The following CKAP5 variants were observed in gnomAD, a reference collection of about 807,000 sequenced individuals.
CKAP5 encodes cytoskeleton-associated protein 5.
Under a neutral mutation model 232.8 loss-of-function variants are expected in CKAP5, and 27 were observed. That is an observed-to-expected ratio of 0.12 (90% confidence interval 0.09 to 0.16). CKAP5 has a LOEUF of 0.16. CKAP5 is among the 10% of genes least tolerant of loss of function. The probability of loss-of-function intolerance (pLI) is 1.00; values close to 1 mark genes in which losing one functional copy is unlikely to be tolerated. For missense variants in CKAP5, 1,838 were observed against 2,424.7 expected (o/e 0.76, Z 5.08); for synonymous variants, 785 against 841.1 (o/e 0.93, Z 1.16).
intron 42 of CKAP5, among the ~76,000 whole-genome samples, chr11:46,749,751 C>A (rs1465549494): frequency 1.3e-5 from 2 of 151,802 alleles, no homozygotes; most frequent in Non-Finnish European, 2.9e-5. Context: ...GTCAGGAGTT[C>A]CAGACCAGCC....
At chr11:46,773,402 C>T (rs974434652) in intron 24 of CKAP5, among the ~76,000 whole-genome samples, 1 of 152,002 alleles carries the variant, frequency 6.6e-6, no homozygotes, top group African/African-American at 2.4e-5. Context: ...GTGCCCACCA[C>T]CATGCCCAGC....
At chr11:46,756,985 G>A (rs999607967) in intron 35 of CKAP5, among the ~76,000 whole-genome samples, 1 of 148,382 alleles carries the variant, frequency 6.7e-6, no homozygotes, top group Non-Finnish European at 1.5e-5. Context: ...GGCTGGTCTC[G>A]AACCCCTGAC....
chr11:46,763,181 T>TTAAAA lies in CKAP5; in HGVS notation c.3688-7_3688-3dup. On this transcript the variant is annotated splice_region_variant and splice_polypyrimidine_tract_variant and intron_variant, in intron 29 of 43. Transcript: ENST00000529230. ...TCCTTCTTTTTCACTCTCCAAGTGC[T>TTAAAA]TAAAATAAAACAAAACAAAACTCCC... 6.3e-7 allele frequency: 1 copy of TTAAAA among 1,596,854 alleles called. No individual in the cohort carries two copies.
At chr11:46,798,313 G>T (rs1938940214) in intron 9 of CKAP5, 141 bp from the exon 10 acceptor site, 1 of 659,514 alleles carries the variant, frequency 1.5e-6, no homozygotes, top group Non-Finnish European at 2.6e-6. Context: ...AGTGACTCAT[G>T]CCTGTAATCC....
chr11:46,822,078 A>G (rs1342827698), intron 1 of CKAP5, among the ~76,000 whole-genome samples: 1 of 151,994 alleles, frequency 6.6e-6, no homozygotes, highest in Non-Finnish European at 1.5e-5. Flanking sequence ...ATATAAATAT[A>G]TTGCAGTCTG....
rs564576366 is a variant in CKAP5 at position 46,756,812 on chromosome 11, A to G, written c.4690-1745T>C. 2.0e-5 allele frequency among the ~76,000 whole-genome samples: 3 copies of G among 150,862 alleles called. No individual in the cohort carries two copies. In the South Asian group the frequency reaches 6.3e-4, roughly 32 times the overall value. On this transcript the variant is annotated intron_variant, in intron 35 of 43. Coordinates refer to ENST00000529230, the MANE Select transcript of CKAP5 (RefSeq NM_001008938.4). Reference sequence around the variant, plus strand: ...TTCTTGTTGCCCAGGCTGGAGTGCAATGGCACAATCTTGGCTCATAGCAAC... The same window carrying G: ...TTCTTGTTGCCCAGGCTGGAGTGCAGTGGCACAATCTTGGCTCATAGCAAC...
chr11:46,760,500 G>T, intron 33 of CKAP5, 112 bp downstream of exon 33: 1 of 985,968 alleles, frequency 1.0e-6, no homozygotes, highest in Non-Finnish European at 1.6e-6. Flanking sequence ...CAGACACTCT[G>T]TCATGCATGA....
intron 13 of CKAP5, among the ~76,000 whole-genome samples, chr11:46,795,351 T>C (rs190192903): frequency 2.6e-5 from 4 of 151,920 alleles, no homozygotes; most frequent in Admixed American, 2.6e-4. Context: ...GTTAAGATAG[T>C]AAATTTTATG....
chr11:46,828,493 A>C (rs923126138), intron 1 of CKAP5, among the ~76,000 whole-genome samples: 1 of 152,228 alleles, frequency 6.6e-6, no homozygotes, highest in Non-Finnish European at 1.5e-5. Flanking sequence ...CTCAAGGGCA[A>C]GGGCTGGAAT....
chr11:46,791,731 A>G (rs758720696), intron 13 of CKAP5, among the ~76,000 whole-genome samples: 1 of 152,166 alleles, frequency 6.6e-6, no homozygotes, highest in African/African-American at 2.4e-5. Context: ...CAAAAGCAGA[A>G]TATGTACGGG....
At chr11:46,819,632 TAATGTAAGTAAA>T (rs1939482203) in intron 2 of CKAP5, among the ~76,000 whole-genome samples, 1 of 152,194 alleles carries the variant, frequency 6.6e-6, no homozygotes, top group South Asian at 2.1e-4. Context: ...GTTATTTGTT[TAATGTAAGTAAA>T]AATGTAATTG....
intron 6 of CKAP5, 109 bp downstream of exon 6, chr11:46,809,633 A>C (rs1403497145): frequency 2.1e-6 from 3 of 1,410,818 alleles, no homozygotes; most frequent in Non-Finnish European, 3.0e-6. Flanking sequence ...CATGCAACTT[A>C]TATTTTATTA....
chr11:46,772,412 A>G (rs1217535247), intron 24 of CKAP5, among the ~76,000 whole-genome samples: 1 of 152,166 alleles, frequency 6.6e-6, no homozygotes, highest in African/African-American at 2.4e-5. Context: ...TCTAGTTTGC[A>G]CTTAAAAGTT....
intron 3 of CKAP5, among the ~76,000 whole-genome samples, chr11:46,817,107 A>AAAAAG (rs1221088603): frequency 1.3e-5 from 2 of 151,232 alleles, no homozygotes; most frequent in Non-Finnish European, 2.9e-5. Context: ...ACTGTGTATC[A>AAAAAG]AAAAGAAAAA....
chr11:46,752,223 C>CACAT (rs1397114202), intron 38 of CKAP5, among the ~76,000 whole-genome samples: 1 of 133,308 alleles, frequency 7.5e-6, no homozygotes, highest in African/African-American at 2.6e-5. Flanking sequence ...CACACACACA[C>CACAT]ACACACACAC....
chr11:46,770,742 T>A, intron 25 of CKAP5, 46 bp downstream of exon 25: 1 of 1,562,994 alleles, frequency 6.4e-7, no homozygotes, highest in South Asian at 1.1e-5. Flanking sequence ...GTTAAATATA[T>A]TTTTTAATAG....
intron 1 of CKAP5, among the ~76,000 whole-genome samples, chr11:46,836,344 T>A (rs1301083013): frequency 6.6e-6 from 1 of 152,206 alleles, no homozygotes; most frequent in Non-Finnish European, 1.5e-5. Context: ...AGTTAATTTT[T>A]AAAAAGTTTC....
chr11:46,774,934 C>G (rs1013662987), intron 24 of CKAP5, among the ~76,000 whole-genome samples: 1 of 152,174 alleles, frequency 6.6e-6, no homozygotes, highest in Non-Finnish European at 1.5e-5. Flanking sequence ...TGGACAAAGA[C>G]TTCGTGACTA....
At chr11:46,820,295 T>C (rs1939497172) in intron 2 of CKAP5, among the ~76,000 whole-genome samples, 1 of 152,176 alleles carries the variant, frequency 6.6e-6, no homozygotes, top group African/African-American at 2.4e-5. Flanking sequence ...ATGTTGATTT[T>C]TGATACAGTA....
Sources: gnomAD v4.1 joint callset for allele counts (sites outside exome capture counted in the v4.1 genomes callset) on GRCh38, gnomAD v4.1.1 for gene constraint, MANE v1.5 for transcripts, NCBI Gene and HGNC (gene_info 2026-07-23, HGNC 2026-07-21) for gene names.